Variants in FRY observed in about 807,000 individuals in gnomAD.
FRY encodes the protein protein furry homolog.
A neutral mutation model predicts 348.4 loss-of-function variants in FRY; 128 were observed. The observed-to-expected ratio is 0.37, with a 90% confidence interval of 0.32 to 0.43. The LOEUF (loss-of-function observed/expected upper bound fraction) is 0.43. Ranked by LOEUF, FRY falls within the 20% of genes least tolerant of loss-of-function variation. FRY has a pLI of 1.00. For synonymous variants in FRY, 1,370 were observed against 1,374.7 expected, an observed-to-expected ratio of 1.00 and a Z score of 0.08; for missense variants, 2,736 against 3,695.2, an observed-to-expected ratio of 0.74 and a Z score of 6.73.
intron 4 of FRY, among the ~76,000 whole-genome samples, chr13:32,119,565 G>C (rs1878519544): frequency 6.6e-6 from 1 of 152,066 alleles, no homozygotes; most frequent in Non-Finnish European, 1.5e-5. Context: ...CACTTGTAAA[G>C]ACCCTTAGCA....
chr13:32,285,057 A>G (rs1259091792), intron 58 of FRY, among the ~76,000 whole-genome samples: 1 of 152,220 alleles, frequency 6.6e-6, no homozygotes, highest in Non-Finnish European at 1.5e-5. Flanking sequence ...CTCTAAATCC[A>G]ATTTTATAAA....
At chr13:32,050,956 C>G (rs1390676438) in intron 1 of FRY, among the ~76,000 whole-genome samples, 3 of 152,190 alleles carry the variant, frequency 2.0e-5, no homozygotes, top group African/African-American at 7.2e-5. Context: ...ACCACATACG[C>G]ATTTTAGGAA....
intron 3 of FRY, among the ~76,000 whole-genome samples, chr13:32,102,782 G>C (rs1398194730): frequency 1.3e-5 from 2 of 152,140 alleles, no homozygotes; most frequent in Non-Finnish European, 2.9e-5. Context: ...GGAGGCTGGA[G>C]GTATGTTTGT....
At position 32,209,657 on chromosome 13, in the gene FRY, A is replaced by G. The variant is rs780068519; in HGVS notation, c.4348A>G (p.Asn1450Asp). Residue 1450 changes from asparagine (N) to aspartate (D), a missense_variant, in exon 33 of 61, where the codon AAC becomes GAC. Around this residue, in one of 9 missense-constraint regions of FRY, gnomAD observed 794 missense variants for 977.0 expected, o/e 0.81. Transcript: ENST00000542859. Reference sequence around the variant, plus strand: ...TTTAGCCAACAATGAGAAATGGAGCAACAACCTGAGGATCACCTTGCAGTT... The same window carrying G: ...TTTAGCCAACAATGAGAAATGGAGCGACAACCTGAGGATCACCTTGCAGTT... ...NALANNEKWS[N>D]NLRITLQFLI... is the part of the protein sequence containing the mutation. The G allele has an allele frequency of 1.9e-6, 3 of 1,614,154 alleles. No individual in the cohort carries two copies. Among genetic ancestry groups the G allele is most frequent in the Admixed American group, 3.3e-5 (2 of 60,024 alleles).
rs763313832 is a variant in FRY, at chr13:32,201,928, G to A, written c.3747-13G>A. ...AACCATGCTTTTTTTGTTTTGTTCT[G>A]TTGTGTTTTTAGGAACTATCCCTTC... On this transcript the variant is annotated splice_polypyrimidine_tract_variant and intron_variant, in intron 29 of 60. Transcript: ENST00000542859. 6.3e-6 allele frequency: 9 copies of A among 1,425,522 alleles called. No individual in the cohort carries two copies. The highest frequency in any genetic ancestry group is 1.7e-4 in the Middle Eastern group (1 of 5,732). The allele number at this position is 1,425,522 out of a possible 1,614,324, so 88.3% of individuals were successfully genotyped here.
intron 3 of FRY, among the ~76,000 whole-genome samples, chr13:32,114,526 C>T (rs960573089): frequency 7.2e-5 from 11 of 152,138 alleles, no homozygotes; most frequent in Non-Finnish European, 1.5e-4. Flanking sequence ...ATCTTTTTTC[C>T]GTTCCAAGAT....
chr13:32,240,989 G>A (rs1457481371), intron 46 of FRY, among the ~76,000 whole-genome samples: 1 of 152,180 alleles, frequency 6.6e-6, no homozygotes, highest in Non-Finnish European at 1.5e-5. Flanking sequence ...TGTGACCTGT[G>A]TTCAGACTGT....
At chr13:32,098,864 A>C (rs1876957500) in intron 2 of FRY, among the ~76,000 whole-genome samples, 1 of 152,114 alleles carries the variant, frequency 6.6e-6, no homozygotes, top group Admixed American at 6.5e-5. Flanking sequence ...ATAAGAACAC[A>C]GTATTCTTTG....
rs760117172 is a variant in FRY at position 32,237,861 on chromosome 13, C to G, written c.6293C>G (p.Ser2098Cys). 1.2e-6 allele frequency: 2 copies of G among 1,614,176 alleles called. No homozygotes were observed. The highest frequency in any genetic ancestry group is 1.7e-6 in the Non-Finnish European group (2 of 1,180,020). Reference sequence around the variant, plus strand: ...GCACAGCTGAAGTGGGCCGACTTCTCCGGGCTGCAGCAGCTGCTGCTGAAA... The same window carrying G: ...GCACAGCTGAAGTGGGCCGACTTCTGCGGGCTGCAGCAGCTGCTGCTGAAA... The part of the protein sequence containing the change: ...LQAQLKWADF[S>C]GLQQLLLKGF... Residue 2098 changes from serine (S) to cysteine (C), a missense_variant, in exon 44 of 61, where the codon TCC (serine) becomes TGC (cysteine). Physicochemically the swap from Ser to Cys is moderately radical, Grantham distance 112. Around this residue, in one of 9 missense-constraint regions of FRY, gnomAD observed 789 missense variants for 996.2 expected, o/e 0.79. Transcript: ENST00000542859. This position sits in a 1 kb window ranked among gnomAD's most constrained non-coding sequence, Gnocchi z 6.3.
chr13:32,247,785 A>C (rs1886882209), intron 48 of FRY, among the ~76,000 whole-genome samples: 1 of 152,252 alleles, frequency 6.6e-6, no homozygotes, highest in Non-Finnish European at 1.5e-5. Context: ...ATTTTAAACC[A>C]TGACCTTCAC....
At chr13:32,059,665 G>A (rs1403515410) in intron 1 of FRY, among the ~76,000 whole-genome samples, 2 of 99,384 alleles carry the variant, frequency 2.0e-5, no homozygotes, top group Non-Finnish European at 4.4e-5. Context: ...TACCCAGTAG[G>A]TGGTATTTCA....
intron 29 of FRY, among the ~76,000 whole-genome samples, chr13:32,194,892 T>C (rs1883580556): frequency 9.5e-6 from 1 of 105,204 alleles, no homozygotes; most frequent in Non-Finnish European, 1.9e-5. Flanking sequence ...CCAAGTTGCA[T>C]AAGCTATTCC....
In FRY at chr13:32,194,261, G is replaced by GCT; in HGVS notation, c.3711_3712dup (p.Cys1238SerfsTer6). On this transcript the variant is annotated frameshift_variant, in exon 29 of 61. Transcript: ENST00000542859. LOFTEE classifies it high-confidence loss of function. ...ACAGGTTCCTACCAACTTGCATCTG[G>GCT]CTGCTTCAAAGCCATAGCAACTGTG... 1 of 1,614,142 alleles carries GCT rather than the reference G, an allele frequency of 6.2e-7. No individual in the cohort carries two copies.
chr13:32,227,594 T>C (rs1022158129), intron 39 of FRY, among the ~76,000 whole-genome samples: 2 of 152,250 alleles, frequency 1.3e-5, no homozygotes, highest in African/African-American at 4.8e-5. Flanking sequence ...TATTTGCTTA[T>C]GCCATATTTC....
intron 59 of FRY, among the ~76,000 whole-genome samples, chr13:32,291,594 G>A (rs1263104294): frequency 1.3e-5 from 2 of 150,974 alleles, no homozygotes; most frequent in African/African-American, 4.9e-5. Context: ...TAGTAGAGAT[G>A]GGGTTTTGCC....
chr13:32,067,145 C>T (rs745768796), intron 1 of FRY, among the ~76,000 whole-genome samples: 3 of 152,202 alleles, frequency 2.0e-5, no homozygotes, highest in Non-Finnish European at 2.9e-5. Flanking sequence ...TAAGAAGAGA[C>T]ACTTGGCAGA....
In FRY at chr13:32,175,589, C is replaced by T. The variant is rs1340589578; in HGVS notation, c.2378C>T (p.Ser793Phe). 1.2e-6 allele frequency: 2 copies of T among 1,611,908 alleles called. No homozygotes were observed. Among genetic ancestry groups the T allele is most frequent in the African/African-American group, 2.7e-5 (2 of 74,894 alleles). The part of the protein sequence containing the change: ...PMIDVMDQLS[S>F]SILESFIHVA... ...ATTGATGTCATGGATCAGCTAAGTT[C>T]TTCCATTCTAGAAAGTTTTATTCAT... The change falls in exon 20 of 61, where the codon TCT becomes TTT. Residue 793 changes from serine to phenylalanine, a missense_variant. Ser to Phe is a radical substitution (Grantham distance 155, BLOSUM62 -2). Around this residue, in one of 9 missense-constraint regions of FRY, gnomAD observed 449 missense variants for 576.9 expected, o/e 0.78. Coordinates refer to ENST00000542859, the MANE Select transcript of FRY (RefSeq NM_023037.3).
chr13:32,186,209 G>A lies in FRY; in HGVS notation c.3320-51G>A, dbSNP rs375559929. 7 of 1,257,866 alleles carry A rather than the reference G, an allele frequency of 5.6e-6. No individual in the cohort carries two copies. In the African/African-American group the frequency reaches 5.9e-5, roughly 11 times the overall value. 77.9% of individuals were successfully genotyped at this position (1,257,866 alleles called of 1,614,324 possible). A position where few individuals can be genotyped will look rare whatever the true frequency, so the allele number is the denominator to read the frequency against. On this transcript the variant is annotated intron_variant, in intron 26 of 60. Transcript: ENST00000542859. Reference sequence around the variant, plus strand: ...AAATGTAAGAAATATATATAATAGCGATATACAGTATGTCCAGTCTTATAA... The same window carrying A: ...AAATGTAAGAAATATATATAATAGCAATATACAGTATGTCCAGTCTTATAA...
chr13:32,068,303 G>C (rs1874384894), intron 1 of FRY, among the ~76,000 whole-genome samples: 1 of 152,134 alleles, frequency 6.6e-6, no homozygotes, highest in South Asian at 2.1e-4. Flanking sequence ...GCCAGCAAAG[G>C]ACACCTGAAT....
Sources: gnomAD v4.1 joint callset for allele counts (sites outside exome capture counted in the v4.1 genomes callset) on GRCh38, gnomAD v4.1.1 for gene constraint, gnomAD v4.1.1 regional missense constraint, Gnocchi (gnomAD v3.1) non-coding constraint, MANE v1.5 for transcripts, NCBI Gene and HGNC (gene_info 2026-07-23, HGNC 2026-07-21) for gene names.